PLCL1: variants seen among roughly 807,000 people sequenced by gnomAD.
PLCL1 encodes the protein inactive phospholipase C-like protein 1.
Under a neutral mutation model 84.4 loss-of-function variants are expected in PLCL1, and 41 were observed. The ratio of observed to expected loss-of-function variants is 0.49; its 90% CI spans 0.38 to 0.63. PLCL1 has a LOEUF of 0.63. Ranked by LOEUF, PLCL1 falls within the 30% of genes least tolerant of loss-of-function variation. PLCL1 has a pLI of 0.00. For synonymous variants in PLCL1, 490 were observed against 488.3 expected, an observed-to-expected ratio of 1.00 and a Z score of -0.05; for missense variants, 1,206 against 1,367.8, an observed-to-expected ratio of 0.88 and a Z score of 1.87.
At chr2:198,132,535 C>A (rs1297614379) in intron 5 of PLCL1, among the ~76,000 whole-genome samples, 1 of 152,000 alleles carries the variant, frequency 6.6e-6, no homozygotes, top group Non-Finnish European at 1.5e-5. Context: ...TGAATGTCCT[C>A]TCCCACTAGA....
chr2:198,022,161 A>G (rs934469236), intron 1 of PLCL1, among the ~76,000 whole-genome samples: 7 of 152,228 alleles, frequency 4.6e-5, no homozygotes, highest in African/African-American at 1.2e-4. Flanking sequence ...AGATGCAGAA[A>G]CGCCCTTCAA....
Position 197,865,894 on chromosome 2 carries a change from T to C in PLCL1, c.240+60555T>C, listed in dbSNP as rs573593372. Among the ~76,000 whole-genome samples the C allele has an allele frequency of 4.0e-5, 6 of 148,686 alleles. No homozygotes were observed. The East Asian group carries it at 1.2e-3, about 29-fold the overall frequency. ...TGGGTATGGTGGTGCCTGCCTGTAG[T>C]CCCAGCTACTCAGGAGGCTGAGGCG... is the stretch of plus-strand genomic sequence containing the variant. On this transcript the variant is annotated intron_variant, in intron 1 of 5. Transcript: ENST00000428675.
intron 1 of PLCL1, among the ~76,000 whole-genome samples, chr2:197,899,129 C>T (rs146263877): frequency 2.0e-5 from 3 of 152,280 alleles, no homozygotes; most frequent in East Asian, 1.9e-4. Context: ...ATTCTCTGCT[C>T]TCATGGAATT....
chr2:197,905,907 T>C (rs1688371688), intron 1 of PLCL1, among the ~76,000 whole-genome samples: 1 of 152,228 alleles, frequency 6.6e-6, no homozygotes, highest in Non-Finnish European at 1.5e-5. Flanking sequence ...ACCTACTTTT[T>C]GATGGGGTTG....
chr2:197,854,032 T>A (rs1451881413), intron 1 of PLCL1, among the ~76,000 whole-genome samples: 1 of 152,164 alleles, frequency 6.6e-6, no homozygotes, highest in Non-Finnish European at 1.5e-5. Flanking sequence ...TGGGGACCCA[T>A]GCTGGGTCTG....
At chr2:197,867,114 G>A (rs1270285710) in intron 1 of PLCL1, among the ~76,000 whole-genome samples, 1 of 152,178 alleles carries the variant, frequency 6.6e-6, no homozygotes, top group East Asian at 1.9e-4. Context: ...AGAATGATAA[G>A]CCTTCCTTGT....
chr2:197,959,432 A>C (rs1689564666), intron 1 of PLCL1, among the ~76,000 whole-genome samples: 1 of 152,054 alleles, frequency 6.6e-6, no homozygotes, highest in South Asian at 2.1e-4. Context: ...GCAGACTTAA[A>C]TGTGAATCCC....
intron 1 of PLCL1, among the ~76,000 whole-genome samples, chr2:197,973,651 G>T (rs1000286749): frequency 2.0e-5 from 3 of 152,154 alleles, no homozygotes; most frequent in African/African-American, 7.2e-5. Context: ...GCAAGGGAAT[G>T]GTGGGGAGGA....
intron 1 of PLCL1, among the ~76,000 whole-genome samples, chr2:198,052,064 C>T (rs1291098088): frequency 6.6e-6 from 1 of 152,216 alleles, no homozygotes; most frequent in Non-Finnish European, 1.5e-5. Context: ...CATGCGCCAC[C>T]ATGCCCGGCT....
intron 1 of PLCL1, among the ~76,000 whole-genome samples, chr2:198,016,893 A>G (rs991021906): frequency 1.2e-4 from 18 of 152,108 alleles, no homozygotes; most frequent in Non-Finnish European, 2.1e-4. Context: ...TCAGCACTTA[A>G]TGCTTATACT....
intron 1 of PLCL1, among the ~76,000 whole-genome samples, chr2:197,934,484 G>A (rs1461562914): frequency 1.3e-5 from 2 of 152,146 alleles, no homozygotes; most frequent in East Asian, 3.8e-4. Flanking sequence ...TAGCAACCAA[G>A]ACAGAAGGTT....
intron 1 of PLCL1, among the ~76,000 whole-genome samples, chr2:198,038,639 T>C (rs1348464933): frequency 6.6e-6 from 1 of 152,156 alleles, no homozygotes; most frequent in Admixed American, 6.5e-5. Flanking sequence ...TACTTGTATG[T>C]GCTGCATAAA....
At chr2:197,852,823 T>C (rs1687264529) in intron 1 of PLCL1, among the ~76,000 whole-genome samples, 1 of 152,192 alleles carries the variant, frequency 6.6e-6, no homozygotes, top group Non-Finnish European at 1.5e-5. Flanking sequence ...TATATACATC[T>C]ATAATATGTA....
intron 1 of PLCL1, among the ~76,000 whole-genome samples, chr2:197,957,002 A>G (rs1200103319): frequency 6.6e-6 from 1 of 151,950 alleles, no homozygotes; most frequent in African/African-American, 2.4e-5. Flanking sequence ...ACCCATGTCA[A>G]CTACTTTCTT....
At chr2:197,980,465 G>C (rs182397844) in intron 1 of PLCL1, among the ~76,000 whole-genome samples, 59 of 152,214 alleles carry the variant, frequency 3.9e-4, no homozygotes, top group African/African-American at 1.3e-3. Flanking sequence ...TTTCCCATAA[G>C]GACACTCACT....
intron 1 of PLCL1, among the ~76,000 whole-genome samples, chr2:197,890,829 ATG>A (rs1688010837): frequency 3.7e-5 from 1 of 27,322 alleles, no homozygotes; most frequent in Non-Finnish European, 7.0e-5. Context: ...ATATACATAT[ATG>A]CATATATATA....
At chr2:197,851,122 G>A (rs2105682118) in intron 1 of PLCL1, among the ~76,000 whole-genome samples, 1 of 152,294 alleles carries the variant, frequency 6.6e-6, no homozygotes, top group Non-Finnish European at 1.5e-5. Flanking sequence ...CATTGCACGT[G>A]TAAATAAACT....
chr2:197,823,584 G>A (rs1282299122), intron 1 of PLCL1, among the ~76,000 whole-genome samples: 2 of 152,018 alleles, frequency 1.3e-5, no homozygotes, highest in Non-Finnish European at 2.9e-5. Context: ...GATCATAGAG[G>A]GCTTTGAATA....
At chr2:198,030,088 C>T (rs1449440490) in intron 1 of PLCL1, among the ~76,000 whole-genome samples, 1 of 152,034 alleles carries the variant, frequency 6.6e-6, no homozygotes, top group Non-Finnish European at 1.5e-5. Flanking sequence ...GGGTTTGCTG[C>T]ACAGCTGTCA....
Sources: allele counts gnomAD v4.1 joint callset (sites outside exome capture counted in the v4.1 genomes callset), GRCh38; gene constraint gnomAD v4.1.1; transcripts MANE v1.5; gene names NCBI Gene and HGNC (gene_info 2026-07-23, HGNC 2026-07-21).